The following SIRPG variants were observed in gnomAD, a reference collection of about 807,000 sequenced individuals.
SIRPG encodes signal regulatory protein gamma, also known as signal-regulatory protein gamma.
SIRPG carries 38 observed loss-of-function variants against 35.7 expected under a neutral mutation model. The observed-to-expected ratio is 1.06, with a 90% CI of 0.82 to 1.40. The LOEUF (loss-of-function observed/expected upper bound fraction) is 1.40, where lower values mean the gene tolerates loss of function less well. SIRPG is among the 40% of genes most tolerant of loss of function. The probability of loss-of-function intolerance (pLI) is 0.00; values close to 1 mark genes in which losing one functional copy is unlikely to be tolerated. For synonymous variants in SIRPG, 215 were observed against 190.4 expected (o/e 1.13, Z -1.06); for missense variants, 519 against 483.0 (o/e 1.07, Z -0.70).
chr20:1,654,124 A>T (rs1332643697), intron 1 of SIRPG, among the ~76,000 whole-genome samples: 1 of 152,002 alleles, frequency 6.6e-6, no homozygotes, highest in Non-Finnish European at 1.5e-5. Context: ...CTGTAGTCCC[A>T]GCTACTTGGG....
At chr20:1,678,854 C>T in the SIRPG span, among the ~76,000 whole-genome samples, 1 of 152,186 alleles carries the variant, frequency 6.6e-6, no homozygotes, top group Non-Finnish European at 1.5e-5. Flanking sequence ...AGCGATTCCT[C>T]TCACGCGAGA....
At chr20:1,654,223 G>A (rs1568739534) in intron 1 of SIRPG, among the ~76,000 whole-genome samples, 2 of 146,066 alleles carry the variant, frequency 1.4e-5, no homozygotes, top group Non-Finnish European at 3.0e-5. Flanking sequence ...TGGCGACAGA[G>A]CAAGACTGCA....
Position 1,630,234 on chromosome 20 carries a change from TG to T in SIRPG, c.1153del (p.Gln385ArgfsTer32). 1 of 1,568,482 alleles carries T rather than the reference TG, an allele frequency of 6.4e-7. No homozygotes were observed. Among genetic ancestry groups the T allele is most frequent in the Non-Finnish European group, 8.7e-7 (1 of 1,155,470 alleles). On this transcript the variant is annotated frameshift_variant, in exon 5 of 6. Coordinates refer to ENST00000303415, the MANE Select transcript of SIRPG (RefSeq NM_018556.4). LOFTEE classifies it high-confidence loss of function. ...LLGPIYVPWK[Q>X]KT ...TCCTTGTACTTACAGTCAGGTCTTCTGCTTCCAGGGGACGTAGATGGGGCCC... is the reference window on the plus strand; with the variant it reads ...TCCTTGTACTTACAGTCAGGTCTTCTCTTCCAGGGGACGTAGATGGGGCCC...
Position 1,635,590 on chromosome 20 carries a change from G to T in SIRPG, c.758C>A (p.Thr253Asn). The stretch of plus-strand genomic sequence containing the variant: ...CATGGGCTGTTGAGTAACCTCCAAG[G>T]TGGGTGGAACTGAAACAGCACAGGG... ...NLSEAIRVPP[T>N]LEVTQQPMRV... The change falls in exon 4 of 6, where the codon ACC becomes AAC. Residue 253 changes from threonine to asparagine, a missense_variant. Physicochemically the swap from Thr to Asn is moderately conservative, Grantham distance 65. Coordinates refer to ENST00000303415, the MANE Select transcript of SIRPG (RefSeq NM_018556.4). 6.2e-7 allele frequency: 1 copy of T among 1,614,108 alleles called. No individual in the cohort carries two copies. The highest frequency in any genetic ancestry group is 8.5e-7 in the Non-Finnish European group (1 of 1,179,976).
At chr20:1,665,926 G>A in the SIRPG span, among the ~76,000 whole-genome samples, 4 of 152,042 alleles carry the variant, frequency 2.6e-5, no homozygotes, top group Admixed American at 1.3e-4. Flanking sequence ...AGAGCCTCAG[G>A]CACGTCCTTC....
At chr20:1,673,984 A>T in the SIRPG span, among the ~76,000 whole-genome samples, 16 of 152,296 alleles carry the variant, frequency 1.1e-4, no homozygotes, top group African/African-American at 3.8e-4. Context: ...CTCCATGGGA[A>T]GGGTCCTGGC....
At chr20:1,658,604 C>T (rs1473563644), upstream of SIRPG, among the ~76,000 whole-genome samples, 9 of 152,146 alleles carry the variant, frequency 5.9e-5, no homozygotes, top group Non-Finnish European at 1.0e-4. Flanking sequence ...TTGGGGAAGT[C>T]GCTGGGCCCT....
chr20:1,654,299 C>T (rs2091962013), intron 1 of SIRPG, among the ~76,000 whole-genome samples: 1 of 150,688 alleles, frequency 6.6e-6, no homozygotes, highest in Admixed American at 6.6e-5. Context: ...ACATTGACTA[C>T]AGTGTCAAAG....
At chr20:1,670,787 T>G in the SIRPG span, 1 of 191,678 alleles carries the variant, frequency 5.2e-6, no homozygotes, top group Non-Finnish European at 1.1e-5. Context: ...GGAATTAGAT[T>G]CCAGGAAATC....
At chr20:1,669,276 C>T in the SIRPG span, among the ~76,000 whole-genome samples, 3 of 152,246 alleles carry the variant, frequency 2.0e-5, no homozygotes, top group Non-Finnish European at 4.4e-5. Flanking sequence ...CAACATCTCT[C>T]ATTGTTCCTC....
chr20:1,650,738 T>A (rs556545651), intron 1 of SIRPG, among the ~76,000 whole-genome samples: 24 of 152,212 alleles, frequency 1.6e-4, no homozygotes, highest in African/African-American at 5.8e-4. Context: ...AATACATGAA[T>A]GCACAAATTT....
In SIRPG at chr20:1,657,538, C is replaced by T. The variant is rs2091982599; in HGVS notation, c.73+104G>A. 9.6e-6 allele frequency: 11 copies of T among 1,144,568 alleles called. No individual in the cohort carries two copies. The South Asian group carries it at 1.4e-4, about 14-fold the overall frequency. 70.9% of individuals were successfully genotyped at this position (1,144,568 alleles called of 1,614,324 possible). On this transcript the variant is annotated intron_variant, in intron 1 of 5. Coordinates refer to ENST00000303415, the MANE Select transcript of SIRPG (RefSeq NM_018556.4). Reference sequence around the variant, plus strand: ...TCTTGGACAATGTCCAGTCCTTGACCTTCCTTGGCAGTGCTTGTGCTTATC... The same window carrying T: ...TCTTGGACAATGTCCAGTCCTTGACTTTCCTTGGCAGTGCTTGTGCTTATC...
At chr20:1,652,028 T>C (rs1042670153) in intron 1 of SIRPG, among the ~76,000 whole-genome samples, 1 of 152,224 alleles carries the variant, frequency 6.6e-6, no homozygotes, top group Admixed American at 6.5e-5. Context: ...TTTTAGTGCT[T>C]TCAAACAAAC....
chr20:1,675,656 C>G, the SIRPG span, among the ~76,000 whole-genome samples: 1 of 152,170 alleles, frequency 6.6e-6, no homozygotes, highest in African/African-American at 2.4e-5. Flanking sequence ...CATCTTTAAC[C>G]CATACCCTGT....
chr20:1,630,551 T>C (rs1226553609), intron 4 of SIRPG: 8 of 460,342 alleles, frequency 1.7e-5, no homozygotes, highest in Non-Finnish European at 3.1e-5. Context: ...AGGGGGTGTG[T>C]ACTCAGGTAT....
At chr20:1,642,765 G>C (rs954675281) in intron 2 of SIRPG, among the ~76,000 whole-genome samples, 5 of 152,126 alleles carry the variant, frequency 3.3e-5, no homozygotes, top group African/African-American at 1.2e-4. Flanking sequence ...AGCAGGCCTG[G>C]TGGTGACAAA....
At chr20:1,656,581 G>C (rs2091977533) in intron 1 of SIRPG, among the ~76,000 whole-genome samples, 1 of 152,202 alleles carries the variant, frequency 6.6e-6, no homozygotes, top group Non-Finnish European at 1.5e-5. Context: ...GCCCAGCCCT[G>C]TGACCGGGGG....
intron 4 of SIRPG, among the ~76,000 whole-genome samples, chr20:1,634,236 T>A (rs1248966118): frequency 7.0e-6 from 1 of 142,136 alleles, no homozygotes; most frequent in Non-Finnish European, 1.5e-5. Context: ...TGACAGAGTC[T>A]CGCTCTGTCG....
rs200260253 is a variant in SIRPG, at chr20:1,650,002, G to GTATA, written c.74-595_74-594insTATA. ...GAACTCCTGAACTCTACTTTGAAGT[G>GTATA]TGTATATATATATATATATATATAT... On this transcript the variant is annotated intron_variant, in intron 1 of 5. Coordinates refer to ENST00000303415, the MANE Select transcript of SIRPG (RefSeq NM_018556.4). Among the ~76,000 whole-genome samples the GTATA allele has an allele frequency of 6.0e-3, 484 of 81,314 alleles. 15 individuals carry two copies. The highest frequency in any genetic ancestry group is 0.01 in the Middle Eastern group (2 of 198). The allele number at this position is 81,314 out of a possible 152,430, so 53.3% of individuals were successfully genotyped here. A position where few individuals can be genotyped will look rare whatever the true frequency, so the allele number is the denominator to read the frequency against.
Sources: allele counts gnomAD v4.1 joint callset (sites outside exome capture counted in the v4.1 genomes callset), GRCh38; gene constraint gnomAD v4.1.1; transcripts MANE v1.5; gene names NCBI Gene and HGNC (gene_info 2026-07-23, HGNC 2026-07-21).